DMTF1: variants seen among roughly 807,000 people sequenced by gnomAD.
The protein encoded by DMTF1 is cyclin-D-binding Myb-like transcription factor 1.
DMTF1 carries 39 observed loss-of-function variants against 91.1 expected under a neutral mutation model. That is an observed-to-expected ratio of 0.43 (90% CI 0.33 to 0.56). DMTF1 has a LOEUF of 0.56. Ranked by LOEUF, DMTF1 falls within the 20% of genes least tolerant of loss-of-function variation. DMTF1 has a pLI of 0.05. For missense variants in DMTF1, 750 were observed against 914.5 expected (o/e 0.82, Z 2.32); for synonymous variants, 338 against 309.5 (o/e 1.09, Z -0.97).
chr7:87,176,532 C>G (rs1409928772), intron 7 of DMTF1, among the ~76,000 whole-genome samples: 1 of 152,070 alleles, frequency 6.6e-6, no homozygotes, highest in Non-Finnish European at 1.5e-5. Flanking sequence ...AGGACTGTTT[C>G]AGTAGACCAA....
At chr7:87,168,946 A>G (rs1794460955) in intron 4 of DMTF1, among the ~76,000 whole-genome samples, 1 of 152,226 alleles carries the variant, frequency 6.6e-6, no homozygotes, top group Non-Finnish European at 1.5e-5. Context: ...TAATTTCTAC[A>G]AATTCCCACT....
At chr7:87,174,238 A>AAAATTTTCACTGGAG (rs1795744078) in intron 6 of DMTF1, among the ~76,000 whole-genome samples, 1 of 152,220 alleles carries the variant, frequency 6.6e-6, no homozygotes, top group Admixed American at 6.5e-5. Flanking sequence ...TTTTGCCCAT[A>AAAATTTTCACTGGAG]AAATTTTCAC....
chr7:87,182,155 T>G (rs1222917178), intron 9 of DMTF1, 73 bp from the exon 10 acceptor site: 2 of 1,604,150 alleles, frequency 1.2e-6, no homozygotes, highest in East Asian at 4.5e-5. Flanking sequence ...AGAAGAAGAA[T>G]GAAGAATAAA....
Position 87,195,162 on chromosome 7 carries a change from G to A in DMTF1, c.*22G>A. On this transcript the variant is annotated 3_prime_UTR_variant, in exon 18 of 18. Coordinates refer to ENST00000331242, the MANE Select transcript of DMTF1 (RefSeq NM_001142327.2). Reference sequence around the variant, plus strand: ...TTAGAATAATTCTTAGAAATAGGCAGTTCAAGCAAAGAAGGCACACTGTTA... The same window carrying A: ...TTAGAATAATTCTTAGAAATAGGCAATTCAAGCAAAGAAGGCACACTGTTA... The A allele has an allele frequency of 5.8e-6, 9 of 1,543,892 alleles. No homozygotes were observed. Among genetic ancestry groups the A allele is most frequent in the Non-Finnish European group, 8.0e-6 (9 of 1,118,944 alleles).
At chr7:87,170,911 C>A in intron 4 of DMTF1, 84 bp from the exon 5 acceptor site, 1 of 853,284 alleles carries the variant, frequency 1.2e-6, no homozygotes, top group Non-Finnish European at 1.9e-6. Context: ...ATTAGATGAT[C>A]ATGTTTTTTT....
At position 87,188,135 on chromosome 7, in the gene DMTF1, C is replaced by A. The variant is rs753625454; in HGVS notation, c.1245C>A (p.Asn415Lys). The A allele has an allele frequency of 2.5e-6, 4 of 1,613,882 alleles. No individual in the cohort carries two copies. Among genetic ancestry groups the A allele is most frequent in the Non-Finnish European group, 3.4e-6 (4 of 1,179,874 alleles). The change falls in exon 13 of 18, where the codon AAC becomes AAA. Residue 415 changes from asparagine to lysine, a missense_variant. Asn to Lys is a moderately conservative substitution (Grantham distance 94). This residue lies in a region of DMTF1 where 410 missense variants were observed against 420.2 expected (regional missense o/e 0.98). Transcript: ENST00000331242. ...GLKQLHENQK[N>K]NPTLLENKSG... ...AACAGTTACATGAGAACCAAAAAAACAACCCAACGCTTTTGGAGAATAAAT... is the reference window on the plus strand; with the variant it reads ...AACAGTTACATGAGAACCAAAAAAAAAACCCAACGCTTTTGGAGAATAAAT...
At position 87,184,364 on chromosome 7, in the gene DMTF1, G is replaced by T. The variant is rs755219485; in HGVS notation, c.821-33G>T. ...TGAATCAGATTTGTAAAAGAAGTTAGCAGTGGTAGTCTGGATGATTTCCTT... is the reference window on the plus strand; with the variant it reads ...TGAATCAGATTTGTAAAAGAAGTTATCAGTGGTAGTCTGGATGATTTCCTT... On this transcript the variant is annotated intron_variant, in intron 10 of 17. Transcript: ENST00000331242. 5.7e-6 allele frequency: 9 copies of T among 1,584,646 alleles called. No individual in the cohort carries two copies. The South Asian group carries it at 1.0e-4, about 18-fold the overall frequency.
At chr7:87,194,588 GTTATGT>G (rs1395080487) in intron 16 of DMTF1, 90 bp from the exon 17 acceptor site, 7 of 819,310 alleles carry the variant, frequency 8.5e-6, no homozygotes, top group Non-Finnish European at 1.1e-5. Flanking sequence ...TTTTAAATGG[GTTATGT>G]TTAAGTCTAA....
In DMTF1 at chr7:87,162,417, A is replaced by G. The variant is rs527324450; in HGVS notation, c.-131-1078A>G. The stretch of plus-strand genomic sequence containing the variant: ...AGATGCCTACCTTGGTTTCCTTCAC[A>G]CTTTTCAATCTGAGCAGATTCTAAA... On this transcript the variant is annotated intron_variant, in intron 1 of 17. Coordinates refer to ENST00000331242, the MANE Select transcript of DMTF1 (RefSeq NM_001142327.2). 5.3e-5 allele frequency among the ~76,000 whole-genome samples: 8 copies of G among 152,242 alleles called. No individual in the cohort carries two copies. In the South Asian group the frequency reaches 1.7e-3, roughly 32 times the overall value.
chr7:87,171,140 C>A, intron 5 of DMTF1, 51 bp downstream of exon 5: 1 of 1,235,440 alleles, frequency 8.1e-7, no homozygotes, highest in Non-Finnish European at 1.2e-6. Flanking sequence ...TTACACATTG[C>A]TTAGCTAATA....
intron 8 of DMTF1, 31 bp downstream of exon 8, chr7:87,179,733 A>G (rs932466945): frequency 1.3e-6 from 2 of 1,541,412 alleles, no homozygotes; most frequent in East Asian, 2.4e-5. Flanking sequence ...GCATGTTTTC[A>G]TGTAATTAGG....
In DMTF1 at chr7:87,184,367, G is replaced by A; in HGVS notation, c.821-30G>A. 5.6e-6 allele frequency: 9 copies of A among 1,595,182 alleles called. No individual in the cohort carries two copies. In the African/African-American group the frequency reaches 6.7e-5, roughly 12 times the overall value. On this transcript the variant is annotated intron_variant, in intron 10 of 17. Coordinates refer to ENST00000331242, the MANE Select transcript of DMTF1 (RefSeq NM_001142327.2). ...ATCAGATTTGTAAAAGAAGTTAGCAGTGGTAGTCTGGATGATTTCCTTTTT... is the reference window on the plus strand; with the variant it reads ...ATCAGATTTGTAAAAGAAGTTAGCAATGGTAGTCTGGATGATTTCCTTTTT...
At chr7:87,194,213 TCACACCTCA>T in intron 16 of DMTF1, 111 bp downstream of exon 16, 1 of 1,190,866 alleles carries the variant, frequency 8.4e-7, no homozygotes, top group East Asian at 2.4e-5. Flanking sequence ...ACCCCCAACC[TCACACCTCA>T]CAAAGTGTTG....
intron 14 of DMTF1, 22 bp downstream of exon 14, chr7:87,191,049 TTGGCC>T: frequency 6.8e-7 from 1 of 1,478,498 alleles, no homozygotes; most frequent in Non-Finnish European, 9.4e-7. Flanking sequence ...TTCATATATA[TTGGCC>T]ATTTTTATGC....
intron 14 of DMTF1, among the ~76,000 whole-genome samples, chr7:87,191,932 T>G (rs1799900029): frequency 6.6e-6 from 1 of 152,144 alleles, no homozygotes; most frequent in Non-Finnish European, 1.5e-5. Flanking sequence ...TTATTCATCC[T>G]CTCCCCAGCC....
intron 1 of DMTF1, among the ~76,000 whole-genome samples, chr7:87,153,518 G>T (rs1484804868): frequency 6.6e-6 from 1 of 152,078 alleles, no homozygotes; most frequent in East Asian, 1.9e-4. Context: ...TAAAATACTC[G>T]GTGTAGATAA....
chr7:87,174,115 A>G (rs1372738120), intron 6 of DMTF1, among the ~76,000 whole-genome samples: 1 of 152,198 alleles, frequency 6.6e-6, no homozygotes, highest in Admixed American at 6.5e-5. Flanking sequence ...ACAGAAAGGA[A>G]GCAGAAAAAC....
chr7:87,183,887 G>T (rs1797888030), intron 10 of DMTF1, among the ~76,000 whole-genome samples: 1 of 152,166 alleles, frequency 6.6e-6, no homozygotes, highest in Non-Finnish European at 1.5e-5. Flanking sequence ...GGATAGTGAG[G>T]AAACAAGATG....
rs1358233015 is a variant in DMTF1, at chr7:87,182,369, G to C, written c.820+32G>C. 5 of 1,610,250 alleles carry C rather than the reference G, an allele frequency of 3.1e-6. No individual in the cohort carries two copies. In the Admixed American group the frequency reaches 6.7e-5, roughly 21 times the overall value. On this transcript the variant is annotated intron_variant, in intron 10 of 17. Coordinates refer to ENST00000331242, the MANE Select transcript of DMTF1 (RefSeq NM_001142327.2). ...TGACTACTACTGGTAGCGTTTTCTTGTCACCACTTAAGCCTCCTGCCCCTT... is the reference window on the plus strand; with the variant it reads ...TGACTACTACTGGTAGCGTTTTCTTCTCACCACTTAAGCCTCCTGCCCCTT...
Sources: allele counts gnomAD v4.1 joint callset (sites outside exome capture counted in the v4.1 genomes callset), GRCh38; gene constraint gnomAD v4.1.1; regional missense constraint gnomAD v4.1.1; transcripts MANE v1.5; gene names NCBI Gene and HGNC (gene_info 2026-07-23, HGNC 2026-07-21).